Variants in EPCAM observed in about 807,000 individuals in gnomAD.
The protein encoded by EPCAM is epithelial cell adhesion molecule.
Under a neutral mutation model 40.0 loss-of-function variants are expected in EPCAM, and 39 were observed. That is an observed-to-expected ratio of 0.98 (90% CI 0.76 to 1.27). The LOEUF (loss-of-function observed/expected upper bound fraction) is 1.27. Among genes scored for constraint, EPCAM ranks in the 50% most tolerant of loss-of-function variants. EPCAM has a pLI of 0.00. For synonymous variants in EPCAM, 168 were observed against 132.3 expected, an observed-to-expected ratio of 1.27 and a Z score of -1.85; for missense variants, 503 against 381.2, an observed-to-expected ratio of 1.32 and a Z score of -2.66.
At chr2:47,374,154 T>C in intron 3 of EPCAM, 106 bp downstream of exon 3, 1 of 1,364,364 alleles carries the variant, frequency 7.3e-7, no homozygotes. Context: ...ATTCAGAAGA[T>C]ATGAGTGTCC....
intron 2 of EPCAM, 74 bp from the exon 3 acceptor site, chr2:47,373,734 T>G: frequency 6.3e-7 from 1 of 1,595,544 alleles, no homozygotes; most frequent in Non-Finnish European, 8.6e-7. Context: ...CCTGGAACTT[T>G]AGAGTTAATT....
intron 1 of EPCAM, 24 bp downstream of exon 1, chr2:47,369,605 T>C (rs1671163294): frequency 1.3e-6 from 2 of 1,578,818 alleles, no homozygotes; most frequent in East Asian, 2.3e-5. Flanking sequence ...TGGAGCAGAG[T>C]TGTGGAGCTG....
At chr2:47,369,609 G>A (rs750836547) in intron 1 of EPCAM, 28 bp downstream of exon 1, 3 of 1,575,858 alleles carry the variant, frequency 1.9e-6, no homozygotes. Context: ...GCAGAGTTGT[G>A]GAGCTGGGCT....
intron 1 of EPCAM, among the ~76,000 whole-genome samples, chr2:47,372,540 G>C (rs868120256): frequency 1.3e-5 from 2 of 152,132 alleles, no homozygotes; most frequent in Admixed American, 1.3e-4. Flanking sequence ...TTGGTAGGCC[G>C]AGGCGGACGG....
At chr2:47,370,623 A>G (rs991205403) in intron 1 of EPCAM, among the ~76,000 whole-genome samples, 2 of 151,990 alleles carry the variant, frequency 1.3e-5, no homozygotes, top group East Asian at 1.9e-4. Flanking sequence ...CCCAGGCTGG[A>G]GTGCAATGGC....
intron 5 of EPCAM, among the ~76,000 whole-genome samples, 191 bp from the exon 6 acceptor site, chr2:47,378,762 G>T (rs1313620095): frequency 6.6e-6 from 1 of 152,036 alleles, no homozygotes; most frequent in South Asian, 2.1e-4. Flanking sequence ...ATTTCCCTTT[G>T]ATAGATTTAG....
intron 6 of EPCAM, 92 bp from the exon 7 acceptor site, chr2:47,379,677 G>A (rs1671528079): frequency 7.9e-6 from 11 of 1,392,376 alleles, no homozygotes; most frequent in Non-Finnish European, 1.0e-5. Context: ...TCTTGGCAGC[G>A]GTTCTTTTGG....
At chr2:47,380,516 T>TTAAATTGCCATCTAGCAGCAAGCG (rs1176437451) in intron 7 of EPCAM, among the ~76,000 whole-genome samples, 2 of 152,168 alleles carry the variant, frequency 1.3e-5, no homozygotes, top group Non-Finnish European at 2.9e-5. Flanking sequence ...CACAGGCCAG[T>TTAAATTGCCATCTAGCAGCAAGCG]TAAATTGCCA....
At chr2:47,378,606 C>T (rs1331438099) in intron 5 of EPCAM, among the ~76,000 whole-genome samples, 1 of 152,116 alleles carries the variant, frequency 6.6e-6, no homozygotes, top group African/African-American at 2.4e-5. Context: ...CCGGCCTTAC[C>T]TTTCATTTCT....
At chr2:47,383,205 C>G (rs1671639526) in intron 7 of EPCAM, 1 of 150,674 alleles carries the variant, frequency 6.6e-6, no homozygotes, top group African/African-American at 2.4e-5. Flanking sequence ...ACTTGGGAGG[C>G]TGAGGCAGGA....
chr2:47,373,194 G>A lies in EPCAM; in HGVS notation c.77-269G>A, dbSNP rs545555145. Among the ~76,000 whole-genome samples, 218 of 111,204 alleles carry A rather than the reference G, an allele frequency of 2.0e-3. 2 individuals are homozygous for A. Among genetic ancestry groups the A allele is most frequent in the African/African-American group, 7.4e-3 (213 of 28,944 alleles). The allele number at this position is 111,204 out of a possible 152,430, so 73.0% of individuals were successfully genotyped here. A position where few individuals can be genotyped will look rare whatever the true frequency, so the allele number is the denominator to read the frequency against. ...CATTCCAGCCTGGGCCACAGAGTGA[G>A]ACCCTATCTTTAAAAAAAAAAAAAA... On this transcript the variant is annotated intron_variant, in intron 1 of 8. Transcript: ENST00000263735.
chr2:47,374,098 T>G (rs746937104), intron 3 of EPCAM, 50 bp downstream of exon 3: 1 of 1,597,776 alleles, frequency 6.3e-7, no homozygotes, highest in Non-Finnish European at 8.6e-7. Context: ...CAGATTCATT[T>G]AATTAAATTT....
rs947516697 is a variant in EPCAM at position 47,385,145 on chromosome 2, AGTT to A, written c.859-18_859-16del. 1.3e-6 allele frequency: 2 copies of A among 1,598,166 alleles called. No homozygotes were observed. The highest frequency in any genetic ancestry group is 2.7e-5 in the African/African-American group (2 of 74,526). On this transcript the variant is annotated intron_variant, in intron 7 of 8. Transcript: ENST00000263735. ...TTTTGAATAGCAGTCCTAAAACAAT[AGTT>A]GTCTTTCTTCCACTCAGGTTATTTC...
rs55931899 is a variant in EPCAM at position 47,374,268 on chromosome 2, A to G, written c.425+220A>G. Among the ~76,000 whole-genome samples, 21,380 of 152,072 alleles carry G rather than the reference A, an allele frequency of 0.14. 1,638 individuals are homozygous for G. Among genetic ancestry groups the G allele is most frequent in the East Asian group, 0.26 (1,327 of 5,166 alleles). On this transcript the variant is annotated intron_variant, in intron 3 of 8. Coordinates refer to ENST00000263735, the MANE Select transcript of EPCAM (RefSeq NM_002354.3). ...ATAACCTTCCAGAGATAGTTGATGA[A>G]TTTGTTATATATCTGTTTTATTATT...
chr2:47,384,604 C>CG (rs1022177534), intron 7 of EPCAM, among the ~76,000 whole-genome samples: 1 of 149,582 alleles, frequency 6.7e-6, no homozygotes, highest in African/African-American at 2.5e-5. Context: ...TTAGTAGAGT[C>CG]GGGGGGTTTC....
intron 7 of EPCAM, among the ~76,000 whole-genome samples, chr2:47,384,933 C>T (rs575562128): frequency 6.6e-6 from 1 of 152,250 alleles, no homozygotes; most frequent in East Asian, 1.9e-4. Context: ...TCTGAAACTC[C>T]TGACCTCAGA....
chr2:47,377,081 T>G lies in EPCAM; in HGVS notation c.555+4T>G. On this transcript the variant is annotated splice_donor_region_variant and intron_variant, in intron 5 of 8. Coordinates refer to ENST00000263735, the MANE Select transcript of EPCAM (RefSeq NM_002354.3). ...AAAATTTATCACGAGTATTTTGGTA[T>G]GATTTTTTAATAAGTGAGCTTTAGC... 6.3e-7 allele frequency: 1 copy of G among 1,591,836 alleles called. No homozygotes were observed. The highest frequency in any genetic ancestry group is 8.6e-7 in the Non-Finnish European group (1 of 1,159,596).
intron 7 of EPCAM, among the ~76,000 whole-genome samples, chr2:47,381,873 C>T (rs776701825): frequency 3.9e-5 from 6 of 152,096 alleles, no homozygotes; most frequent in Admixed American, 6.5e-5. Context: ...CTTAAGTAAT[C>T]CTCCTGACCT....
intron 8 of EPCAM, 91 bp downstream of exon 8, chr2:47,385,301 A>G (rs552768251): frequency 3.9e-6 from 4 of 1,024,764 alleles, no homozygotes; most frequent in Non-Finnish European, 6.2e-6. Context: ...CATTTCAGTT[A>G]TACTGGAGTC....
Sources: allele counts gnomAD v4.1 joint callset (sites outside exome capture counted in the v4.1 genomes callset), GRCh38; gene constraint gnomAD v4.1.1; transcripts MANE v1.5; gene names NCBI Gene and HGNC (gene_info 2026-07-23, HGNC 2026-07-21).